Variants in THBD observed in about 807,000 individuals in gnomAD.
The protein encoded by THBD is CD141 antigen.
For synonymous variants in THBD, 449 were observed against 374.2 expected (o/e 1.20, Z -2.31); for missense variants, 850 against 816.9 (o/e 1.04, Z -0.49).
chr20:23,049,367 G>A lies in THBD; in HGVS notation c.138C>T (p.Leu46=). 6.2e-7 allele frequency: 1 copy of A among 1,604,724 alleles called. No homozygotes were observed. The highest frequency in any genetic ancestry group is 8.5e-7 in the Non-Finnish European group (1 of 1,176,652). The change falls in exon 1 of 1, where the codon CTC becomes CTT. Residue 46 remains leucine, a synonymous_variant. Transcript: ENST00000377103. ...FALYPGPATF[L]NASQICDGLR... ...GTCCGTCGCAGATCTGACTGGCATTGAGGAAGGTCGCGGGGCCCGGGTAGA... is the reference window on the plus strand; with the variant it reads ...GTCCGTCGCAGATCTGACTGGCATTAAGGAAGGTCGCGGGGCCCGGGTAGA...
At position 23,046,023 on chromosome 20, in the gene THBD, C is replaced by CATATA; in HGVS notation, c.*1753_*1754insTATAT. 1 of 152,292 alleles carries CATATA rather than the reference C, an allele frequency of 6.6e-6. No individual in the cohort carries two copies. The highest frequency in any genetic ancestry group is 6.5e-5 in the Admixed American group (1 of 15,290). 9.4% of individuals were successfully genotyped at this position (152,292 alleles called of 1,614,324 possible). A position where few individuals can be genotyped will look rare whatever the true frequency, so the allele number is the denominator to read the frequency against. On this transcript the variant is annotated 3_prime_UTR_variant, in exon 1 of 1. Coordinates refer to ENST00000377103, the MANE Select transcript of THBD (RefSeq NM_000361.3). ...CACATTGTTATTTGTTTATTTTGTA[C>CATATA]AAGTGATGTCATAAGCAAGGATTTT...
Position 23,049,614 on chromosome 20 carries a change from G to T in THBD, c.-110C>A. 7.0e-7 allele frequency: 1 copy of T among 1,422,508 alleles called. No homozygotes were observed. The highest frequency in any genetic ancestry group is 9.7e-7 in the Non-Finnish European group (1 of 1,033,270). 88.1% of individuals were successfully genotyped at this position (1,422,508 alleles called of 1,614,324 possible). A position where few individuals can be genotyped will look rare whatever the true frequency, so the allele number is the denominator to read the frequency against. On this transcript the variant is annotated 5_prime_UTR_variant, in exon 1 of 1. Transcript: ENST00000377103. ...CCGATGGCGACAGCCTCTCCTGTCCGTCCCAGCCCAGACACTTCTTGCCGC... is the reference window on the plus strand; with the variant it reads ...CCGATGGCGACAGCCTCTCCTGTCCTTCCCAGCCCAGACACTTCTTGCCGC...
Position 23,047,889 on chromosome 20 carries a change from A to G in THBD, c.1616T>C (p.Leu539Pro). ...CCTGGCGGCGCCCTGCTTCTTGCGCAGGTGGCAGAGGAGCGCCAAAAGCGC... is the reference window on the plus strand; with the variant it reads ...CCTGGCGGCGCCCTGCTTCTTGCGCGGGTGGCAGAGGAGCGCCAAAAGCGC... ...VVALLALLCH[L>P]RKKQGAARAK... The change falls in exon 1 of 1, where the codon CTG (leucine) becomes CCG (proline). Residue 539 changes from leucine to proline, a missense_variant. Physicochemically the swap from Leu to Pro is moderately conservative, Grantham distance 98. Transcript: ENST00000377103. 1 of 1,606,390 alleles carries G rather than the reference A, an allele frequency of 6.2e-7. No homozygotes were observed. Among genetic ancestry groups the G allele is most frequent in the Non-Finnish European group, 8.5e-7 (1 of 1,176,810 alleles).
chr20:23,047,620 C>A lies in THBD; in HGVS notation c.*157G>T. ...GGCTCATTCTCCTCCCTCTAATCAC[C>A]CCCTCGCCAGTTAGCCATGGAATAG... is the stretch of plus-strand genomic sequence containing the variant. On this transcript the variant is annotated 3_prime_UTR_variant, in exon 1 of 1. Transcript: ENST00000377103. 1 of 878,440 alleles carries A rather than the reference C, an allele frequency of 1.1e-6. No individual in the cohort carries two copies. Among genetic ancestry groups the A allele is most frequent in the Non-Finnish European group, 1.7e-6 (1 of 589,450 alleles). 54.4% of individuals were successfully genotyped at this position (878,440 alleles called of 1,614,324 possible). A position where few individuals can be genotyped will look rare whatever the true frequency, so the allele number is the denominator to read the frequency against.
rs774549921 is a variant in THBD, at chr20:23,048,059, G to A, written c.1446C>T (p.Ser482=). The change falls in exon 1 of 1, where the codon TCC becomes TCT. Residue 482 remains serine, a synonymous_variant. Transcript: ENST00000377103. Reference sequence around the variant, plus strand: ...CGCTGTCGCCACCGTCCACCTTGCCGGAGTCACAGTCGGTGCCAATGTGGC... The same window carrying A: ...CGCTGTCGCCACCGTCCACCTTGCCAGAGTCACAGTCGGTGCCAATGTGGC... ...LARHIGTDCD[S]GKVDGGDSGS... is the part of the protein sequence containing the mutation. 1.2e-5 allele frequency: 20 copies of A among 1,612,584 alleles called. No individual in the cohort carries two copies. Among genetic ancestry groups the A allele is most frequent in the South Asian group, 6.6e-5 (6 of 90,968 alleles).
At position 23,047,769 on chromosome 20, in the gene THBD, G is replaced by C. The variant is rs983113093; in HGVS notation, c.*8C>G. 1.1e-5 allele frequency: 18 copies of C among 1,573,742 alleles called. No individual in the cohort carries two copies. In the East Asian group the frequency reaches 2.1e-4, roughly 18 times the overall value. ...CTGGACGGAGCCAGGCTCCTGGACG[G>C]AGGCCGCTCAGAGTCTCTGCGGCGT... On this transcript the variant is annotated 3_prime_UTR_variant, in exon 1 of 1. Transcript: ENST00000377103.
At position 23,048,001 on chromosome 20, in the gene THBD, C is replaced by T. The variant is rs76135678; in HGVS notation, c.1504G>A (p.Gly502Ser). The T allele has an allele frequency of 4.4e-6, 7 of 1,608,114 alleles. No individual in the cohort carries two copies. Among genetic ancestry groups the T allele is most frequent in the East Asian group, 2.2e-5 (1 of 44,622 alleles). The change falls in exon 1 of 1, where the codon GGC becomes AGC. Residue 502 changes from glycine to serine, a missense_variant. Transcript: ENST00000377103. The part of the protein sequence containing the change: ...SGEPPPSPTP[G>S]STLTPPAVGL... ...ACGGCCGGAGGAGTCAAGGTGGAGC[C>T]GGGCGTCGGGCTGGGCGGGGGCTCG...
chr20:23,047,988 G>C lies in THBD; in HGVS notation c.1517C>G (p.Thr506Ser). 6.2e-7 allele frequency: 1 copy of C among 1,608,742 alleles called. No homozygotes were observed. Among genetic ancestry groups the C allele is most frequent in the Non-Finnish European group, 8.5e-7 (1 of 1,177,908 alleles). Residue 506 changes from threonine (T) to serine (S), a missense_variant, in exon 1 of 1, where the codon ACT becomes AGT. Coordinates refer to ENST00000377103, the MANE Select transcript of THBD (RefSeq NM_000361.3). ...PPSPTPGSTLTPPAVGLVHSG... is the reference protein window; with the variant it reads ...PPSPTPGSTLSPPAVGLVHSG... Reference sequence around the variant, plus strand: ...ATGCACGAGCCCCACGGCCGGAGGAGTCAAGGTGGAGCCGGGCGTCGGGCT... The same window carrying C: ...ATGCACGAGCCCCACGGCCGGAGGACTCAAGGTGGAGCCGGGCGTCGGGCT...
chr20:23,047,773 C>T lies in THBD; in HGVS notation c.*4G>A. The T allele has an allele frequency of 6.3e-7, 1 of 1,576,318 alleles. No homozygotes were observed. The highest frequency in any genetic ancestry group is 1.2e-5 in the South Asian group (1 of 86,662). On this transcript the variant is annotated 3_prime_UTR_variant, in exon 1 of 1. Transcript: ENST00000377103. ...ACGGAGCCAGGCTCCTGGACGGAGGCCGCTCAGAGTCTCTGCGGCGTCCGC... is the reference window on the plus strand; with the variant it reads ...ACGGAGCCAGGCTCCTGGACGGAGGTCGCTCAGAGTCTCTGCGGCGTCCGC...
chr20:23,047,589 G>A lies in THBD; in HGVS notation c.*188C>T. The A allele has an allele frequency of 2.9e-6, 2 of 692,476 alleles. No individual in the cohort carries two copies. The highest frequency in any genetic ancestry group is 5.9e-5 in the Admixed American group (2 of 34,006). The allele number at this position is 692,476 out of a possible 1,614,324, so 42.9% of individuals were successfully genotyped here. A position where few individuals can be genotyped will look rare whatever the true frequency, so the allele number is the denominator to read the frequency against. ...AGTGGTCCAGTGACGTCACGGAAGA[G>A]GCCGAGGCTCATTCTCCTCCCTCTA... On this transcript the variant is annotated 3_prime_UTR_variant, in exon 1 of 1. Transcript: ENST00000377103.
chr20:23,048,008 C>T lies in THBD; in HGVS notation c.1497G>A (p.Pro499=), dbSNP rs1984621289. 2 of 1,608,508 alleles carry T rather than the reference C, an allele frequency of 1.2e-6. No homozygotes were observed. Among genetic ancestry groups the T allele is most frequent in the African/African-American group, 1.3e-5 (1 of 74,872 alleles). Residue 499 remains proline (P), a synonymous_variant, in exon 1 of 1, where the codon CCG becomes CCA. Transcript: ENST00000377103. The stretch of plus-strand genomic sequence containing the variant: ...GAGGAGTCAAGGTGGAGCCGGGCGT[C>T]GGGCTGGGCGGGGGCTCGCCAGAGC... ...DSGSGEPPPS[P]TPGSTLTPPA... is the part of the protein sequence containing the mutation.
In THBD at chr20:23,048,320, C is replaced by T. The variant is rs754103347; in HGVS notation, c.1185G>A (p.Ala395=). The T allele has an allele frequency of 1.1e-5, 17 of 1,613,736 alleles. No homozygotes were observed. The highest frequency in any genetic ancestry group is 1.4e-5 in the Non-Finnish European group (17 of 1,180,034). The stretch of plus-strand genomic sequence containing the variant: ...ACCTGTGCGGCTCGTGGGGAATGGG[C>T]GCGAAGCCCTCGGCGCAGACGCAGA... ...SYLCVCAEGF[A]PIPHEPHRCQ... is the part of the protein sequence containing the mutation. Residue 395 remains alanine (A), a synonymous_variant, in exon 1 of 1, where the codon GCG becomes GCA. Transcript: ENST00000377103.
Position 23,048,279 on chromosome 20 carries a change from T to C in THBD, c.1226A>G (p.Asn409Ser). The C allele has an allele frequency of 6.2e-7, 1 of 1,613,886 alleles. No homozygotes were observed. The highest frequency in any genetic ancestry group is 8.5e-7 in the Non-Finnish European group (1 of 1,180,038). ...GCAGTCGGCTGGACAGGCAGTCTGG[T>C]TGCAAAACATCTGGCACCTGTGCGG... ...HEPHRCQMFC[N>S]QTACPADCDP... Residue 409 changes from asparagine to serine, a missense_variant, in exon 1 of 1, where the codon AAC becomes AGC. Coordinates refer to ENST00000377103, the MANE Select transcript of THBD (RefSeq NM_000361.3).
At position 23,048,413 on chromosome 20, in the gene THBD, C is replaced by T. The variant is rs73901577; in HGVS notation, c.1092G>A (p.Glu364=). The change falls in exon 1 of 1, where the codon GAG becomes GAA. Residue 364 remains glutamate, a synonymous_variant. Transcript: ENST00000377103. ...NYDLVDGECV[E]PVDPCFRANC... is the part of the protein sequence containing the mutation. ...TGGCTCTGAAGCACGGGTCCACGGG[C>T]TCCACACACTCGCCGTCCACCAGGT... The T allele has an allele frequency of 4.6e-3, 7,406 of 1,613,952 alleles. 347 individuals carry two copies. The African/African-American group carries it at 0.089, about 19-fold the overall frequency.
rs144468977 is a variant in THBD at position 23,048,427 on chromosome 20, C to A, written c.1078G>T (p.Gly360Cys). 2.5e-6 allele frequency: 4 copies of A among 1,613,814 alleles called. No homozygotes were observed. In the African/African-American group the frequency reaches 5.3e-5, roughly 22 times the overall value. The change falls in exon 1 of 1, where the codon GGC (glycine) becomes TGC (cysteine). Residue 360 changes from glycine to cysteine, a missense_variant. Physicochemically the swap from Gly to Cys is radical, Grantham distance 159. Transcript: ENST00000377103. Reference protein sequence around the residue: ...HCYPNYDLVDGECVEPVDPCF... With the variant: ...HCYPNYDLVDCECVEPVDPCF... ...GGGTCCACGGGCTCCACACACTCGCCGTCCACCAGGTCGTAGTTAGGGTAG... is the reference window on the plus strand; with the variant it reads ...GGGTCCACGGGCTCCACACACTCGCAGTCCACCAGGTCGTAGTTAGGGTAG...
Position 23,048,919 on chromosome 20 carries a change from G to C in THBD, c.586C>G (p.Pro196Ala), listed in dbSNP as rs1226842618. ...AAGTCCGCTCCGCGGGCCGCGAACGGGGTGCCGTAGGTGATCGAGACGGCG... is the reference window on the plus strand; with the variant it reads ...AAGTCCGCTCCGCGGGCCGCGAACGCGGTGCCGTAGGTGATCGAGACGGCG... Reference protein sequence around the residue: ...AAAVSITYGTPFAARGADFQA... With the variant: ...AAAVSITYGTAFAARGADFQA... Residue 196 changes from proline to alanine, a missense_variant, in exon 1 of 1, where the codon CCG becomes GCG. Coordinates refer to ENST00000377103, the MANE Select transcript of THBD (RefSeq NM_000361.3). 12 of 1,529,180 alleles carry C rather than the reference G, an allele frequency of 7.8e-6. No homozygotes were observed. Among genetic ancestry groups the C allele is most frequent in the African/African-American group, 1.4e-5 (1 of 72,518 alleles). 94.7% of individuals were successfully genotyped at this position (1,529,180 alleles called of 1,614,324 possible).
In THBD at chr20:23,046,358, T is replaced by A. The variant is rs1984569492; in HGVS notation, c.*1419A>T. The A allele has an allele frequency of 6.6e-6, 1 of 152,272 alleles. No individual in the cohort carries two copies. The highest frequency in any genetic ancestry group is 2.4e-5 in the African/African-American group (1 of 41,468). The allele number at this position is 152,272 out of a possible 1,614,324, so 9.4% of individuals were successfully genotyped here. On this transcript the variant is annotated 3_prime_UTR_variant, in exon 1 of 1. Coordinates refer to ENST00000377103, the MANE Select transcript of THBD (RefSeq NM_000361.3). ...CTACTTATAACTGATCTATATTTCA[T>A]GTATTCCAGAAAATTGGAAGCAGTC...
Position 23,049,476 on chromosome 20 carries a change from A to G in THBD, c.29T>C (p.Leu10Pro), listed in dbSNP as rs1355239812. ...GGGGAACCCCAGGCCGGCCAGGGCC[A>G]GCGCGCCAAGGACCAGGACCCCAAG... MLGVLVLGALALAGLGFPAP... is the reference protein window; with the variant it reads MLGVLVLGAPALAGLGFPAP... The change falls in exon 1 of 1, where the codon CTG becomes CCG. Residue 10 changes from leucine (L) to proline (P), a missense_variant. Leu to Pro is a moderately conservative substitution (Grantham distance 98). Transcript: ENST00000377103. 1 of 1,543,036 alleles carries G rather than the reference A, an allele frequency of 6.5e-7. No homozygotes were observed. The highest frequency in any genetic ancestry group is 8.7e-7 in the Non-Finnish European group (1 of 1,144,868).
rs2122667299 is a variant in THBD, at chr20:23,047,333, G to C, written c.*444C>G. 6.1e-6 allele frequency: 1 copy of C among 164,322 alleles called. No individual in the cohort carries two copies. Among genetic ancestry groups the C allele is most frequent in the South Asian group, 1.8e-4 (1 of 5,436 alleles). The allele number at this position is 164,322 out of a possible 1,614,324, so 10.2% of individuals were successfully genotyped here. A position where few individuals can be genotyped will look rare whatever the true frequency, so the allele number is the denominator to read the frequency against. On this transcript the variant is annotated 3_prime_UTR_variant, in exon 1 of 1. Transcript: ENST00000377103. The stretch of plus-strand genomic sequence containing the variant: ...AAGTGGGAGTTTGTAGAGAGAGAGA[G>C]ACCGGAGAGCTGTGCAAAGTGGATA...
Sources: allele counts gnomAD v4.1 joint callset, GRCh38; gene constraint gnomAD v4.1.1; transcripts MANE v1.5; gene names NCBI Gene and HGNC (gene_info 2026-07-23, HGNC 2026-07-21).